RILPL2: variants seen among roughly 807,000 people sequenced by gnomAD.
RILPL2 encodes the protein Rab interacting lysosomal protein like 2, also known as RILP-like protein 2.
In RILPL2, 19 loss-of-function variants were observed where a neutral mutation model predicts 22.2. The ratio of observed to expected loss-of-function variants is 0.86; its 90% CI spans 0.60 to 1.25. The LOEUF is 1.25. Ranked by LOEUF, RILPL2 falls within the 50% of genes most tolerant of loss-of-function variation. The probability of loss-of-function intolerance (pLI) is 0.00; values close to 1 mark genes in which losing one functional copy is unlikely to be tolerated. For missense variants in RILPL2, 243 were observed against 263.6 expected, an observed-to-expected ratio of 0.92 and a Z score of 0.54; for synonymous variants, 123 against 111.6, an observed-to-expected ratio of 1.10 and a Z score of -0.64.
At chr12:123,411,393 T>G (rs1301603551), downstream of RILPL2, 2 of 150,938 alleles carry the variant, frequency 1.3e-5, no homozygotes, top group African/African-American at 2.4e-5. Flanking sequence ...CCCACCACTT[T>G]GGGAGGGCGA....
intron 2 of RILPL2, among the ~76,000 whole-genome samples, chr12:123,427,013 G>T (rs1879461829): frequency 6.6e-6 from 1 of 151,092 alleles, no homozygotes; most frequent in Admixed American, 6.6e-5. Context: ...GCCCACTGAA[G>T]CCTCAAATTC....
At chr12:123,423,456 C>T (rs1411350602) in intron 2 of RILPL2, among the ~76,000 whole-genome samples, 1 of 151,934 alleles carries the variant, frequency 6.6e-6, no homozygotes, top group Non-Finnish European at 1.5e-5. Context: ...CTGCCTCAGA[C>T]TCCCAAAGTG....
intron 2 of RILPL2, among the ~76,000 whole-genome samples, chr12:123,425,621 A>G (rs1879423108): frequency 6.6e-6 from 1 of 151,732 alleles, no homozygotes; most frequent in African/African-American, 2.4e-5. Context: ...TCTTCATAAA[A>G]GAGTTTTGCA....
At chr12:123,416,015 T>TGCAAGTAGTTGCAATTA in intron 3 of RILPL2, 94 bp from the exon 4 acceptor site, 1 of 1,258,134 alleles carries the variant, frequency 7.9e-7, no homozygotes, top group Non-Finnish European at 1.2e-6. Flanking sequence ...CTCTTGCAGC[T>TGCAAGTAGTTGCAATTA]GTTGACTCAA....
At chr12:123,416,635 G>A (rs929246146) in intron 3 of RILPL2, among the ~76,000 whole-genome samples, 7 of 152,190 alleles carry the variant, frequency 4.6e-5, no homozygotes, top group South Asian at 4.1e-4. Flanking sequence ...TTGAGACTCC[G>A]TCTCAAAAAC....
intron 1 of RILPL2, among the ~76,000 whole-genome samples, chr12:123,435,283 C>T (rs752985089): frequency 5.9e-5 from 9 of 152,140 alleles, no homozygotes; most frequent in African/African-American, 2.2e-4. Context: ...ATCAGCACCC[C>T]GTTCTTTTTC....
rs898811226 is a variant in RILPL2, at chr12:123,418,656, G to A, written c.606-2735C>T. ...TACTGTCCTGACACCTGGCAACTAA[G>A]AGGGCACATATCAGTGTGGTCCAAG... On this transcript the variant is annotated intron_variant, in intron 3 of 3. Coordinates refer to ENST00000280571, the MANE Select transcript of RILPL2 (RefSeq NM_145058.3). Among the ~76,000 whole-genome samples, 7 of 151,966 alleles carry A rather than the reference G, an allele frequency of 4.6e-5. No individual in the cohort carries two copies. The South Asian group carries it at 1.0e-3, about 22-fold the overall frequency.
chr12:123,431,482 G>A (rs1276602728), intron 1 of RILPL2, among the ~76,000 whole-genome samples: 1 of 152,052 alleles, frequency 6.6e-6, no homozygotes, highest in Non-Finnish European at 1.5e-5. Flanking sequence ...GGTGGTGATG[G>A]CTGCACAACA....
the RILPL2 span, among the ~76,000 whole-genome samples, chr12:123,409,864 C>T: frequency 4.6e-5 from 7 of 151,932 alleles, no homozygotes; most frequent in African/African-American, 1.7e-4. Context: ...GCTGGGATTA[C>T]AGGCGCCAGC....
intron 2 of RILPL2, among the ~76,000 whole-genome samples, chr12:123,425,978 A>T (rs1004469011): frequency 5.3e-5 from 8 of 150,886 alleles, no homozygotes; most frequent in African/African-American, 1.2e-4. Context: ...ATCAATAATT[A>T]AAAAAAATTT....
chr12:123,420,342 T>C (rs771332349), intron 3 of RILPL2, among the ~76,000 whole-genome samples: 19 of 151,696 alleles, frequency 1.3e-4, no homozygotes, highest in Non-Finnish European at 2.4e-4. Flanking sequence ...GGTTTCACCA[T>C]GTTGGCCAGG....
At chr12:123,423,791 C>T (rs769090749) in intron 2 of RILPL2, among the ~76,000 whole-genome samples, 1 of 151,826 alleles carries the variant, frequency 6.6e-6, no homozygotes, top group Non-Finnish European at 1.5e-5. Flanking sequence ...GTAGCTGGGA[C>T]TATAGGCGCC....
At chr12:123,413,253 C>T (rs1879022342), downstream of RILPL2, 1 of 177,982 alleles carries the variant, frequency 5.6e-6, no homozygotes, top group African/African-American at 2.4e-5. Context: ...CCCAGTGTGT[C>T]CGGAATTGGT....
chr12:123,415,950 T>C, intron 3 of RILPL2, 29 bp from the exon 4 acceptor site: 1 of 1,613,710 alleles, frequency 6.2e-7, no homozygotes, highest in Non-Finnish European at 8.5e-7. Flanking sequence ...GGGTTCAGGG[T>C]AAGCAGAAGG....
At chr12:123,428,595 G>C (rs145775189) in intron 2 of RILPL2, among the ~76,000 whole-genome samples, 1 of 152,170 alleles carries the variant, frequency 6.6e-6, no homozygotes, top group Non-Finnish European at 1.5e-5. Flanking sequence ...TATCACTTGG[G>C]CTTTGTTTCA....
At chr12:123,429,313 TGAGA>T (rs1177262700) in intron 2 of RILPL2, among the ~76,000 whole-genome samples, 1 of 152,164 alleles carries the variant, frequency 6.6e-6, no homozygotes. Context: ...GTTTTGTTTT[TGAGA>T]AAGAGTTTTG....
In RILPL2 at chr12:123,428,745, A is replaced by G. The variant is rs754703829; in HGVS notation, c.491+1763T>C. ...ACCACTGCTTAAGCAGGTGCCCACC[A>G]CTCTGGTCCTCAGCTCAGCATAGTG... On this transcript the variant is annotated intron_variant, in intron 2 of 3. Transcript: ENST00000280571. Among the ~76,000 whole-genome samples, 8 of 151,988 alleles carry G rather than the reference A, an allele frequency of 5.3e-5. No homozygotes were observed. In the East Asian group the frequency reaches 5.8e-4, roughly 11 times the overall value.
Position 123,415,326 on chromosome 12 carries a change from G to C in RILPL2, c.*565C>G, listed in dbSNP as rs1401613749. 1 of 153,416 alleles carries C rather than the reference G, an allele frequency of 6.5e-6. No homozygotes were observed. Among genetic ancestry groups the C allele is most frequent in the East Asian group, 1.9e-4 (1 of 5,214 alleles). 9.5% of individuals were successfully genotyped at this position (153,416 alleles called of 1,614,324 possible). ...ATTATACAATGAAATGTAGATATAT[G>C]ACATATACACACATATACCATGTGT... On this transcript the variant is annotated 3_prime_UTR_variant, in exon 4 of 4. Transcript: ENST00000280571.
chr12:123,420,824 T>C (rs918639643), intron 3 of RILPL2, among the ~76,000 whole-genome samples: 7 of 152,102 alleles, frequency 4.6e-5, no homozygotes, highest in Non-Finnish European at 8.8e-5. Context: ...GTAGATTCCA[T>C]GTAGCCCAAG....
Sources: allele counts gnomAD v4.1 joint callset (sites outside exome capture counted in the v4.1 genomes callset), GRCh38; gene constraint gnomAD v4.1.1; transcripts MANE v1.5; gene names NCBI Gene and HGNC (gene_info 2026-07-23, HGNC 2026-07-21).